Variants in TFAP2A observed in about 807,000 individuals in gnomAD.
TFAP2A encodes transcription factor AP-2-alpha.
TFAP2A carries 7 observed loss-of-function variants against 41.5 expected under a neutral mutation model. The observed-to-expected ratio is 0.17, with a 90% CI of 0.10 to 0.32. TFAP2A has a LOEUF of 0.32. Among genes scored for constraint, TFAP2A ranks in the 10% least tolerant of loss-of-function variants. The pLI, the probability that TFAP2A is intolerant of heterozygous loss-of-function variation, is 1.00. For synonymous variants in TFAP2A, 247 were observed against 242.8 expected, an observed-to-expected ratio of 1.02 and a Z score of -0.16; for missense variants, 416 against 563.3, an observed-to-expected ratio of 0.74 and a Z score of 2.65.
In TFAP2A at chr6:10,410,090, G is replaced by A. The variant is rs758008816; in HGVS notation, c.297C>T (p.Pro99=). The A allele has an allele frequency of 1.2e-6, 2 of 1,612,962 alleles. No individual in the cohort carries two copies. The highest frequency in any genetic ancestry group is 1.1e-5 in the South Asian group (1 of 91,048). The change falls in exon 2 of 7, where the codon CCC becomes CCT. Residue 99 remains proline, a synonymous_variant. Transcript: ENST00000379613. The part of the protein sequence containing the change: ...AQPQPQHPGW[P]GQRQSQESGL... Reference sequence around the variant, plus strand: ...CAGACTCCTGGCTCTGCCTCTGGCCGGGCCAGCCTGGGTGCTGCGGCTGCG... The same window carrying A: ...CAGACTCCTGGCTCTGCCTCTGGCCAGGCCAGCCTGGGTGCTGCGGCTGCG...
chr6:10,404,156 G>A (rs956331599), intron 4 of TFAP2A, among the ~76,000 whole-genome samples: 4 of 152,234 alleles, frequency 2.6e-5, no homozygotes, highest in Non-Finnish European at 5.9e-5. Context: ...GTGGCTGTAC[G>A]GCGCCCCGCG....
intron 1 of TFAP2A, among the ~76,000 whole-genome samples, chr6:10,413,063 G>A (rs915655588): frequency 1.3e-5 from 2 of 152,116 alleles, no homozygotes; most frequent in African/African-American, 2.4e-5. Flanking sequence ...CCCCCCAGAT[G>A]ACACGACTAG....
In TFAP2A at chr6:10,410,092, G is replaced by A. The variant is rs746489683; in HGVS notation, c.295C>T (p.Pro99Ser). ...AQPQPQHPGW[P>S]GQRQSQESGL... is the part of the protein sequence containing the mutation. The stretch of plus-strand genomic sequence containing the variant: ...GACTCCTGGCTCTGCCTCTGGCCGG[G>A]CCAGCCTGGGTGCTGCGGCTGCGGC... Residue 99 changes from proline to serine, a missense_variant, in exon 2 of 7, where the codon CCC becomes TCC. By Grantham distance (74) the Pro-to-Ser change is moderately conservative. This residue lies in a region of TFAP2A where 241 missense variants were observed against 274.1 expected (regional missense o/e 0.88). Transcript: ENST00000379613. 101 of 1,612,938 alleles carry A rather than the reference G, an allele frequency of 6.3e-5. No individual in the cohort carries two copies. The highest frequency in any genetic ancestry group is 8.6e-5 in the Non-Finnish European group (101 of 1,179,862).
rs1761861137 is a variant in TFAP2A, at chr6:10,398,269, C to T, written c.*148G>A. 7 of 1,559,198 alleles carry T rather than the reference C, an allele frequency of 4.5e-6. No individual in the cohort carries two copies. Among genetic ancestry groups the T allele is most frequent in the Middle Eastern group, 2.2e-4 (1 of 4,544 alleles). ...GGGCAGTCCCGGAGACTCGGGGGGACCCAAGGGCAGCGGCGGCGGCGGCGG... is the reference window on the plus strand; with the variant it reads ...GGGCAGTCCCGGAGACTCGGGGGGATCCAAGGGCAGCGGCGGCGGCGGCGG... On this transcript the variant is annotated 3_prime_UTR_variant, in exon 7 of 7. Coordinates refer to ENST00000379613, the MANE Select transcript of TFAP2A (RefSeq NM_001372066.1). This position sits in a 1 kb window ranked among gnomAD's most constrained non-coding sequence, Gnocchi z 5.3.
At chr6:10,402,099 C>T in intron 5 of TFAP2A, 1 of 363,504 alleles carries the variant, frequency 2.8e-6, no homozygotes, top group South Asian at 2.1e-5. Flanking sequence ...AATCAGGACG[C>T]AGGTCAAAGA....
At chr6:10,413,855 A>G (rs1180503365) in intron 1 of TFAP2A, among the ~76,000 whole-genome samples, 1 of 100,676 alleles carries the variant, frequency 9.9e-6, no homozygotes, top group Middle Eastern at 4.5e-3. Context: ...TCAGCTGCAA[A>G]TGCCAAAAAA....
intron 6 of TFAP2A, among the ~76,000 whole-genome samples, chr6:10,399,939 T>TGC (rs1421319561): frequency 3.9e-5 from 6 of 152,072 alleles, no homozygotes; most frequent in African/African-American, 1.5e-4. Context: ...TGTGTGTGTG[T>TGC]GTGTGTCACT....
chr6:10,402,654 G>T (rs767304215), intron 4 of TFAP2A, 44 bp from the exon 5 acceptor site: 1 of 1,408,436 alleles, frequency 7.1e-7, no homozygotes, highest in Admixed American at 1.7e-5. Flanking sequence ...GAAAACATTG[G>T]GTTGCTCTGC....
rs1274356477 is a variant in TFAP2A at position 10,404,556 on chromosome 6, G to A, written c.722C>T (p.Ser241Leu). 1 of 1,613,660 alleles carries A rather than the reference G, an allele frequency of 6.2e-7. No homozygotes were observed. Among genetic ancestry groups the A allele is most frequent in the Non-Finnish European group, 8.5e-7 (1 of 1,179,854 alleles). The change falls in exon 4 of 7, where the codon TCA (serine) becomes TTA (leucine). Residue 241 changes from serine (S) to leucine (L), a missense_variant. Around this residue, in one of 3 missense-constraint regions of TFAP2A, gnomAD observed 59 missense variants for 135.4 expected, o/e 0.44. Transcript: ENST00000379613. The part of the protein sequence containing the change: ...VTVAEVQRRL[S>L]PPECLNASLL... ...CGACGCGTTGAGACACTCGGGTGGT[G>A]AGAGCCGCCGCTGCACTTCCGCCAC...
rs73414706 is a variant in TFAP2A, at chr6:10,414,817, G to T, written c.51+124C>A. On this transcript the variant is annotated intron_variant, in intron 1 of 6. Transcript: ENST00000379613. Reference sequence around the variant, plus strand: ...CTTCGGGCGAATCCGAGGGACGGGCGCTGCGCTGGGGAAAGTTTGTCCCAC... The same window carrying T: ...CTTCGGGCGAATCCGAGGGACGGGCTCTGCGCTGGGGAAAGTTTGTCCCAC... 5.1e-3 allele frequency: 6,623 copies of T among 1,307,764 alleles called. 256 individuals are homozygous for T. The African/African-American group carries it at 0.085, about 17-fold the overall frequency. The allele number at this position is 1,307,764 out of a possible 1,614,324, so 81.0% of individuals were successfully genotyped here.
intron 3 of TFAP2A, 86 bp from the exon 4 acceptor site, chr6:10,404,825 G>A (rs966300825): frequency 1.9e-5 from 24 of 1,278,186 alleles, no homozygotes; most frequent in Non-Finnish European, 2.7e-5. Flanking sequence ...CCCGGCCAGG[G>A]CCGGATCCCA....
chr6:10,410,066 A>C lies in TFAP2A; in HGVS notation c.321T>G (p.Ser107=). The C allele has an allele frequency of 6.2e-7, 1 of 1,612,992 alleles. No individual in the cohort carries two copies. Among genetic ancestry groups the C allele is most frequent in the Non-Finnish European group, 8.5e-7 (1 of 1,179,884 alleles). ...GWPGQRQSQE[S]GLLHTHRGLP... is the part of the protein sequence containing the mutation. ...GCCCCCGGTGCGTGTGCAGGAGCCC[A>C]GACTCCTGGCTCTGCCTCTGGCCGG... Residue 107 remains serine (S), a synonymous_variant, in exon 2 of 7, where the codon TCT becomes TCG. Transcript: ENST00000379613.
upstream of TFAP2A, chr6:10,419,357 G>A: frequency 6.8e-7 from 1 of 1,470,408 alleles, no homozygotes; most frequent in Non-Finnish European, 9.5e-7. Flanking sequence ...TCCCCGCTCC[G>A]GCCCCCTCCC....
intron 4 of TFAP2A, among the ~76,000 whole-genome samples, chr6:10,403,221 T>C (rs1289581560): frequency 6.6e-6 from 1 of 152,256 alleles, no homozygotes; most frequent in Non-Finnish European, 1.5e-5. Flanking sequence ...TAGAATCCCA[T>C]AATCAGAAAG....
rs757104358 is a variant in TFAP2A at position 10,410,075 on chromosome 6, G to A, written c.312C>T (p.Ser104=). 6.2e-7 allele frequency: 1 copy of A among 1,612,980 alleles called. No homozygotes were observed. Among genetic ancestry groups the A allele is most frequent in the African/African-American group, 1.3e-5 (1 of 75,002 alleles). ...QHPGWPGQRQ[S]QESGLLHTHR... ...GCGTGTGCAGGAGCCCAGACTCCTGGCTCTGCCTCTGGCCGGGCCAGCCTG... is the reference window on the plus strand; with the variant it reads ...GCGTGTGCAGGAGCCCAGACTCCTGACTCTGCCTCTGGCCGGGCCAGCCTG... Residue 104 remains serine (S), a synonymous_variant, in exon 2 of 7, where the codon AGC becomes AGT. Transcript: ENST00000379613.
At position 10,397,810 on chromosome 6, in the gene TFAP2A, T is replaced by G. The variant is rs1206207432; in HGVS notation, c.*607A>C. On this transcript the variant is annotated 3_prime_UTR_variant, in exon 7 of 7. Coordinates refer to ENST00000379613, the MANE Select transcript of TFAP2A (RefSeq NM_001372066.1). Reference sequence around the variant, plus strand: ...AAAGTTCAAGTTGGTCGCTTTACCTTAAAGAGGAAAAACTTCTACAACTGA... The same window carrying G: ...AAAGTTCAAGTTGGTCGCTTTACCTGAAAGAGGAAAAACTTCTACAACTGA... 1.0e-6 allele frequency: 1 copy of G among 983,454 alleles called. No individual in the cohort carries two copies. The highest frequency in any genetic ancestry group is 1.2e-6 in the Non-Finnish European group (1 of 827,754). 60.9% of individuals were successfully genotyped at this position (983,454 alleles called of 1,614,324 possible).
intron 4 of TFAP2A, 93 bp from the exon 5 acceptor site, chr6:10,402,703 C>G: frequency 1.0e-6 from 1 of 970,212 alleles, no homozygotes; most frequent in Non-Finnish European, 1.6e-6. Flanking sequence ...CTAAAATGTG[C>G]TTTCAAAAAC....
upstream of TFAP2A, chr6:10,415,193 C>T (rs1328675935): frequency 4.0e-6 from 6 of 1,487,072 alleles, no homozygotes; most frequent in East Asian, 1.5e-4. Context: ...AGGAGGAGGG[C>T]GAGGAGAAGG....
chr6:10,414,614 A>T (rs1758164304), intron 1 of TFAP2A: 1 of 521,744 alleles, frequency 1.9e-6, no homozygotes, highest in African/African-American at 1.9e-5. Context: ...CGAGGAGTGC[A>T]CAGGCAAGTG....
Sources: gnomAD v4.1 joint callset for allele counts (sites outside exome capture counted in the v4.1 genomes callset) on GRCh38, gnomAD v4.1.1 for gene constraint, gnomAD v4.1.1 regional missense constraint, Gnocchi (gnomAD v3.1) non-coding constraint, MANE v1.5 for transcripts, NCBI Gene and HGNC (gene_info 2026-07-23, HGNC 2026-07-21) for gene names.